ZNF385C: variants seen among roughly 807,000 people sequenced by gnomAD.
The protein encoded by ZNF385C is CTD-2132N18.2.
A neutral mutation model predicts 35.4 loss-of-function variants in ZNF385C; 28 were observed. That is an observed-to-expected ratio of 0.79 (90% CI 0.59 to 1.08). The LOEUF (loss-of-function observed/expected upper bound fraction) is 1.08. Among genes scored for constraint, ZNF385C ranks in the 50% least tolerant of loss-of-function variants. The pLI is 0.00. For synonymous variants in ZNF385C, 248 were observed against 248.2 expected (o/e 1.00, Z 0.01); for missense variants, 605 against 595.6 (o/e 1.02, Z -0.16).
chr17:42,088,055 C>T (rs1232148601), intron 1 of ZNF385C, among the ~76,000 whole-genome samples: 3 of 151,766 alleles, frequency 2.0e-5, no homozygotes, highest in African/African-American at 4.8e-5. Context: ...TTTTTTTAAT[C>T]GACACTCTTA....
At chr17:42,066,072 T>C (rs181066544) in intron 1 of ZNF385C, among the ~76,000 whole-genome samples, 1 of 152,252 alleles carries the variant, frequency 6.6e-6, no homozygotes, top group Non-Finnish European at 1.5e-5. Flanking sequence ...TTGTTTTGTT[T>C]TGTTTGAGAC....
At chr17:42,079,075 G>A (rs1045764801) in intron 1 of ZNF385C, among the ~76,000 whole-genome samples, 4 of 151,354 alleles carry the variant, frequency 2.6e-5, no homozygotes, top group Non-Finnish European at 4.4e-5. Context: ...CCGGCACGGT[G>A]GCTCATGCCT....
At chr17:42,066,782 A>G (rs1287743491) in intron 1 of ZNF385C, among the ~76,000 whole-genome samples, 1 of 152,042 alleles carries the variant, frequency 6.6e-6, no homozygotes, top group Non-Finnish European at 1.5e-5. Context: ...TGAAAAGGTG[A>G]AATTGACTGG....
intron 1 of ZNF385C, among the ~76,000 whole-genome samples, chr17:42,096,794 C>T (rs544753650): frequency 1.3e-3 from 194 of 151,748 alleles, no homozygotes; most frequent in African/African-American, 4.4e-3. Context: ...TGGGCGGGGG[C>T]GGGGGGACTC....
At chr17:42,070,861 C>T (rs1348090165) in intron 1 of ZNF385C, among the ~76,000 whole-genome samples, 2 of 152,210 alleles carry the variant, frequency 1.3e-5, no homozygotes, top group Non-Finnish European at 2.9e-5. Flanking sequence ...GCTGAGTGTC[C>T]CTGAGGGGCC....
intron 1 of ZNF385C, among the ~76,000 whole-genome samples, chr17:42,071,751 C>G (rs1187444208): frequency 6.6e-6 from 1 of 151,442 alleles, no homozygotes; most frequent in Non-Finnish European, 1.5e-5. Flanking sequence ...GCTCAGGATC[C>G]TGGCACAGCC....
chr17:42,033,976 T>TG (rs34912078), intron 4 of ZNF385C, among the ~76,000 whole-genome samples: 6,816 of 151,858 alleles, frequency 0.045, 515 homozygotes, highest in African/African-American at 0.16. Flanking sequence ...GAGAGAGGCC[T>TG]GGGGGGAAGG....
chr17:42,096,395 G>A (rs2053918111), intron 1 of ZNF385C, among the ~76,000 whole-genome samples: 3 of 152,176 alleles, frequency 2.0e-5, no homozygotes, highest in African/African-American at 7.2e-5. Flanking sequence ...CCCTGCTGAT[G>A]CCTCATCCCA....
chr17:42,042,180 T>C (rs1361017283), intron 2 of ZNF385C, among the ~76,000 whole-genome samples: 2 of 151,978 alleles, frequency 1.3e-5, no homozygotes, highest in African/African-American at 4.8e-5. Context: ...AAGACCAGCC[T>C]GGGCAACATA....
At chr17:42,067,217 T>C (rs561222280) in intron 1 of ZNF385C, among the ~76,000 whole-genome samples, 1 of 152,178 alleles carries the variant, frequency 6.6e-6, no homozygotes, top group Non-Finnish European at 1.5e-5. Flanking sequence ...ATCACAGTTA[T>C]GAGCCACTGC....
chr17:42,032,917 T>A (rs1555655125), intron 4 of ZNF385C, among the ~76,000 whole-genome samples: 2 of 151,526 alleles, frequency 1.3e-5, no homozygotes, highest in African/African-American at 4.9e-5. Context: ...AGAGATGGGG[T>A]TTCACCATGT....
In ZNF385C at chr17:42,028,748, C is replaced by T. The variant is rs1183608807; in HGVS notation, c.967+35G>A. The T allele has an allele frequency of 2.6e-6, 4 of 1,532,128 alleles. No individual in the cohort carries two copies. The African/African-American group carries it at 4.1e-5, about 16-fold the overall frequency. 94.9% of individuals were successfully genotyped at this position (1,532,128 alleles called of 1,614,324 possible). Reference sequence around the variant, plus strand: ...TGGCGAGGCTTAGCTTCTGTCCCACCCTTTCCCTGGGCTCCAGCTCCTGGG... The same window carrying T: ...TGGCGAGGCTTAGCTTCTGTCCCACTCTTTCCCTGGGCTCCAGCTCCTGGG... On this transcript the variant is annotated intron_variant, in intron 6 of 8. Transcript: ENST00000692273.
At chr17:42,028,581 G>A (rs568876393) in intron 6 of ZNF385C, 1 of 687,924 alleles carries the variant, frequency 1.5e-6, no homozygotes, top group Non-Finnish European at 2.4e-6. Context: ...AGTTCTTGCT[G>A]CCTCAGACTT....
intron 2 of ZNF385C, among the ~76,000 whole-genome samples, chr17:42,045,302 C>T (rs971914049): frequency 1.3e-5 from 2 of 152,264 alleles, no homozygotes; most frequent in Non-Finnish European, 2.9e-5. Context: ...CCGCCCGTCT[C>T]GGCCTCCCAA....
intron 2 of ZNF385C, chr17:42,062,602 G>T: frequency 2.5e-6 from 1 of 395,850 alleles, no homozygotes; most frequent in Non-Finnish European, 4.4e-6. Context: ...CACAGATTCC[G>T]AGAGGTCCTA....
At chr17:42,037,170 C>T (rs151209594) in intron 3 of ZNF385C, among the ~76,000 whole-genome samples, 120 of 152,122 alleles carry the variant, frequency 7.9e-4, no homozygotes, top group South Asian at 3.1e-3. Context: ...CACAAAAACA[C>T]GCATGCTCAG....
chr17:42,042,546 C>A (rs1294670784), intron 2 of ZNF385C, among the ~76,000 whole-genome samples: 1 of 151,936 alleles, frequency 6.6e-6, no homozygotes, highest in Non-Finnish European at 1.5e-5. Flanking sequence ...TTAAATACAT[C>A]TGTGGGTCAA....
chr17:42,042,367 C>T (rs1598186032), intron 2 of ZNF385C, among the ~76,000 whole-genome samples: 2 of 152,182 alleles, frequency 1.3e-5, no homozygotes, highest in South Asian at 2.1e-4. Flanking sequence ...ACTAAAAATA[C>T]AAAAATTAGC....
At chr17:42,062,369 C>T (rs1482571223) in intron 2 of ZNF385C, 2 of 157,852 alleles carry the variant, frequency 1.3e-5, no homozygotes. Flanking sequence ...TCCCCCTTGT[C>T]CCTGGGTTGG....
Sources: gnomAD v4.1 joint callset for allele counts (sites outside exome capture counted in the v4.1 genomes callset) on GRCh38, gnomAD v4.1.1 for gene constraint, MANE v1.5 for transcripts, NCBI Gene and HGNC (gene_info 2026-07-23, HGNC 2026-07-21) for gene names.